The following KCNMB2 variants were observed in gnomAD, a reference collection of about 807,000 sequenced individuals.
KCNMB2 encodes the protein potassium calcium-activated channel subfamily M regulatory beta subunit 2.
A neutral mutation model predicts 24.5 loss-of-function variants in KCNMB2; 9 were observed. The observed-to-expected ratio is 0.37, with a 90% CI of 0.22 to 0.64. KCNMB2 has a LOEUF of 0.64. KCNMB2 is among the 30% of genes least tolerant of loss of function. The pLI is 0.63. For missense variants in KCNMB2, 226 were observed against 284.3 expected, an observed-to-expected ratio of 0.79 and a Z score of 1.47; for synonymous variants, 109 against 104.4, an observed-to-expected ratio of 1.04 and a Z score of -0.27.
At position 178,803,275 on chromosome 3, in the gene KCNMB2, C is replaced by G. The variant is rs530014626; in HGVS notation, c.-67-4068C>G. Among the ~76,000 whole-genome samples the G allele has an allele frequency of 2.0e-5, 3 of 152,278 alleles. No individual in the cohort carries two copies. The South Asian group carries it at 6.2e-4, about 32-fold the overall frequency. ...TATCTTTTCATCAGGCCATGTTGCC[C>G]TATCTAAAGAAAATCTTAGTGAATG... On this transcript the variant is annotated intron_variant, in intron 1 of 4. Transcript: ENST00000452583.
rs114949212 is a variant in KCNMB2 at position 178,802,243 on chromosome 3, G to A, written c.-67-5100G>A. Reference sequence around the variant, plus strand: ...TTCTGTGCTTAGAGTGACCTTTTGAGTTGCCAGAGTGATGTCATTAGTGTT... The same window carrying A: ...TTCTGTGCTTAGAGTGACCTTTTGAATTGCCAGAGTGATGTCATTAGTGTT... On this transcript the variant is annotated intron_variant, in intron 1 of 4. Coordinates refer to ENST00000452583, the MANE Select transcript of KCNMB2 (RefSeq NM_181361.3). Among the ~76,000 whole-genome samples, 1,018 of 152,280 alleles carry A rather than the reference G, an allele frequency of 6.7e-3. 11 individuals carry two copies. Among genetic ancestry groups the A allele is most frequent in the African/African-American group, 0.023 (961 of 41,556 alleles).
chr3:178,674,221 G>T (rs1360182384), intron 1 of KCNMB2, among the ~76,000 whole-genome samples: 2 of 151,644 alleles, frequency 1.3e-5, no homozygotes, highest in Non-Finnish European at 2.9e-5. Context: ...CTCCTTGGAT[G>T]ACCTTATCTA....
At chr3:178,579,535 G>T (rs1717120621) in intron 1 of KCNMB2, among the ~76,000 whole-genome samples, 1 of 152,096 alleles carries the variant, frequency 6.6e-6, no homozygotes, top group Non-Finnish European at 1.5e-5. Flanking sequence ...AGAACTGAAG[G>T]AGATAGAGAC....
At chr3:178,780,984 G>A (rs1434378467) in intron 1 of KCNMB2, among the ~76,000 whole-genome samples, 1 of 152,118 alleles carries the variant, frequency 6.6e-6, no homozygotes, top group East Asian at 1.9e-4. Context: ...AAATGTGGTT[G>A]GTCTGCACTG....
At chr3:178,658,091 T>C (rs576882629) in intron 1 of KCNMB2, among the ~76,000 whole-genome samples, 68 of 152,310 alleles carry the variant, frequency 4.5e-4, no homozygotes, top group African/African-American at 1.5e-3. Flanking sequence ...TACTTCTGTC[T>C]TGGTATTGGC....
At chr3:178,770,606 C>T (rs1451264355) in intron 1 of KCNMB2, among the ~76,000 whole-genome samples, 1 of 152,106 alleles carries the variant, frequency 6.6e-6, no homozygotes, top group Non-Finnish European at 1.5e-5. Flanking sequence ...AAAAAGCAAA[C>T]TACCATAAAA....
rs527792499 is a variant in KCNMB2, at chr3:178,667,054, G to T, written c.-68+130343G>T. On this transcript the variant is annotated intron_variant, in intron 1 of 4. Coordinates refer to ENST00000452583, the MANE Select transcript of KCNMB2 (RefSeq NM_181361.3). ...AATGGTTTTTCATTGTATTCTTTTT[G>T]ATTTGTATTGTTTTTATTGTTATAT... Among the ~76,000 whole-genome samples, 33 of 152,074 alleles carry T rather than the reference G, an allele frequency of 2.2e-4. 1 individual carries two copies. The South Asian group carries it at 4.8e-3, about 22-fold the overall frequency.
intron 1 of KCNMB2, among the ~76,000 whole-genome samples, chr3:178,762,052 T>TC (rs1202716959): frequency 6.6e-6 from 1 of 152,038 alleles, no homozygotes; most frequent in Non-Finnish European, 1.5e-5. Flanking sequence ...GCGCCTGTAG[T>TC]CCCAGCTACT....
At chr3:178,781,624 T>C (rs1712845492) in intron 1 of KCNMB2, among the ~76,000 whole-genome samples, 1 of 150,956 alleles carries the variant, frequency 6.6e-6, no homozygotes, top group South Asian at 2.1e-4. Context: ...TATACACATA[T>C]ATATACATAT....
intron 1 of KCNMB2, among the ~76,000 whole-genome samples, chr3:178,674,184 A>C (rs1235503838): frequency 1.4e-5 from 2 of 145,348 alleles, no homozygotes; most frequent in African/African-American, 2.6e-5. Context: ...CATCTCTTCT[A>C]CCTCTTCTCT....
chr3:178,595,889 G>T (rs1717851261), intron 1 of KCNMB2, among the ~76,000 whole-genome samples: 1 of 152,072 alleles, frequency 6.6e-6, no homozygotes, highest in Non-Finnish European at 1.5e-5. Flanking sequence ...GAAATAAATG[G>T]TCTTTACTGG....
At chr3:178,571,566 G>A (rs1456967646) in intron 1 of KCNMB2, among the ~76,000 whole-genome samples, 3 of 150,418 alleles carry the variant, frequency 2.0e-5, no homozygotes, top group Non-Finnish European at 4.4e-5. Context: ...TGCAGAACAT[G>A]CAGGTTTGCT....
At chr3:178,824,847 C>T (rs547868349) in intron 2 of KCNMB2, among the ~76,000 whole-genome samples, 120 of 152,180 alleles carry the variant, frequency 7.9e-4, no homozygotes, top group Non-Finnish European at 1.2e-3. Flanking sequence ...ACTCAGGAGA[C>T]AGTTGATTTC....
chr3:178,553,436 C>A (rs1471795421), intron 1 of KCNMB2, among the ~76,000 whole-genome samples: 1 of 151,872 alleles, frequency 6.6e-6, no homozygotes, highest in Non-Finnish European at 1.5e-5. Context: ...CACTCAAATG[C>A]AAGAAATGAT....
At chr3:178,613,425 A>G (rs1460425991) in intron 1 of KCNMB2, among the ~76,000 whole-genome samples, 1 of 152,236 alleles carries the variant, frequency 6.6e-6, no homozygotes, top group Non-Finnish European at 1.5e-5. Flanking sequence ...TATTACCAGT[A>G]AGGTTTGTAC....
chr3:178,714,338 CAA>C (rs1722549545), intron 1 of KCNMB2, among the ~76,000 whole-genome samples: 1 of 152,220 alleles, frequency 6.6e-6, no homozygotes, highest in African/African-American at 2.4e-5. Context: ...GACAGACCCT[CAA>C]ACAAGTAAGT....
At chr3:178,573,438 G>A (rs964615123) in intron 1 of KCNMB2, among the ~76,000 whole-genome samples, 3 of 152,042 alleles carry the variant, frequency 2.0e-5, no homozygotes, top group Non-Finnish European at 4.4e-5. Flanking sequence ...TTCCGTATTT[G>A]ACCAAAGATT....
intron 1 of KCNMB2, among the ~76,000 whole-genome samples, chr3:178,724,109 A>G (rs1430522123): frequency 6.6e-6 from 1 of 152,166 alleles, no homozygotes; most frequent in Non-Finnish European, 1.5e-5. Context: ...CTGACAGTGT[A>G]TAAGTATTCC....
At chr3:178,766,522 G>A (rs1227975855) in intron 1 of KCNMB2, among the ~76,000 whole-genome samples, 2 of 152,036 alleles carry the variant, frequency 1.3e-5, no homozygotes, top group African/African-American at 4.8e-5. Context: ...ATGTGATTTG[G>A]CAGTTAACCT....
Sources: allele counts gnomAD v4.1 joint callset (sites outside exome capture counted in the v4.1 genomes callset), GRCh38; gene constraint gnomAD v4.1.1; transcripts MANE v1.5; gene names NCBI Gene and HGNC (gene_info 2026-07-23, HGNC 2026-07-21).